GLMN: variants seen among roughly 807,000 people sequenced by gnomAD.
GLMN encodes glomulin.
A neutral mutation model predicts 87.8 loss-of-function variants in GLMN; 75 were observed. The observed-to-expected ratio is 0.85, with a 90% CI of 0.71 to 1.04. GLMN has a LOEUF of 1.04. Ranked by LOEUF, GLMN falls within the 50% of genes least tolerant of loss-of-function variation. GLMN has a pLI of 0.00. For synonymous variants in GLMN, 206 were observed against 221.6 expected, an observed-to-expected ratio of 0.93 and a Z score of 0.63; for missense variants, 588 against 658.8, an observed-to-expected ratio of 0.89 and a Z score of 1.18.
At chr1:92,283,584 A>C (rs983724057) in intron 7 of GLMN, among the ~76,000 whole-genome samples, 1 of 152,008 alleles carries the variant, frequency 6.6e-6, no homozygotes, top group Non-Finnish European at 1.5e-5. Context: ...CTCTCTCACC[A>C]CTCCTATTCA....
chr1:92,295,707 T>C (rs1485869245), intron 3 of GLMN, among the ~76,000 whole-genome samples: 1 of 152,204 alleles, frequency 6.6e-6, no homozygotes, highest in Non-Finnish European at 1.5e-5. Context: ...TACACAGGTC[T>C]GAATCTTGGA....
chr1:92,294,954 TA>T (rs1649855961), intron 3 of GLMN, among the ~76,000 whole-genome samples: 1 of 152,214 alleles, frequency 6.6e-6, no homozygotes, highest in Non-Finnish European at 1.5e-5. Context: ...GCTGGGATTA[TA>T]GGCATGAACC....
chr1:92,297,604 C>A (rs540179021), intron 2 of GLMN, 75 bp from the exon 3 acceptor site: 1 of 1,205,082 alleles, frequency 8.3e-7, no homozygotes, highest in African/African-American at 1.6e-5. Flanking sequence ...ACAATAACTT[C>A]TTGATTTATC....
At chr1:92,333,201 G>A in the GLMN span, 2 of 529,162 alleles carry the variant, frequency 3.8e-6, no homozygotes, top group African/African-American at 1.9e-5. Flanking sequence ...GAGGGCAAAT[G>A]ACTCAAAGAA....
the GLMN span, among the ~76,000 whole-genome samples, chr1:92,353,238 ACT>A: frequency 6.6e-6 from 1 of 152,124 alleles, no homozygotes; most frequent in Non-Finnish European, 1.5e-5. Context: ...TCATATGATA[ACT>A]CTGTTTAACC....
At position 92,263,772 on chromosome 1, in the gene GLMN, A is replaced by G. The variant is rs1263792949; in HGVS notation, c.1300-40T>C. On this transcript the variant is annotated intron_variant, in intron 14 of 18. Transcript: ENST00000370360. ...AAAAATTGAGAAAGCTTTATAATTC[A>G]TGTAATTCATGTGTTTTTCTAATAC... 4 of 918,042 alleles carry G rather than the reference A, an allele frequency of 4.4e-6. No individual in the cohort carries two copies. The African/African-American group carries it at 6.5e-5, about 15-fold the overall frequency. 56.9% of individuals were successfully genotyped at this position (918,042 alleles called of 1,614,324 possible). A position where few individuals can be genotyped will look rare whatever the true frequency, so the allele number is the denominator to read the frequency against.
At chr1:92,251,652 G>C (rs1653509757) in intron 16 of GLMN, among the ~76,000 whole-genome samples, 1 of 151,938 alleles carries the variant, frequency 6.6e-6, no homozygotes, top group Non-Finnish European at 1.5e-5. Context: ...GCCACAGACT[G>C]GAATATTTGC....
Position 92,264,629 on chromosome 1 carries a change from C to G in GLMN, c.1224G>C (p.Leu408Phe), listed in dbSNP as rs368361041. Residue 408 changes from leucine to phenylalanine, a missense_variant, in exon 14 of 19, where the codon TTG (leucine) becomes TTC (phenylalanine). Leu to Phe is a conservative substitution (Grantham distance 22). Coordinates refer to ENST00000370360, the MANE Select transcript of GLMN (RefSeq NM_053274.3). ...CCACACCTGAGTGATTACTTGTATTCAATAAGCACCTTGAAAGCAAAATTA... is the reference window on the plus strand; with the variant it reads ...CCACACCTGAGTGATTACTTGTATTGAATAAGCACCTTGAAAGCAAAATTA... ...QGKYTLFRCL[L>F]NTSNHSGVEA... The G allele has an allele frequency of 4.5e-6, 7 of 1,562,616 alleles. No individual in the cohort carries two copies. The African/African-American group carries it at 8.1e-5, about 18-fold the overall frequency.
At chr1:92,269,840 A>G in intron 8 of GLMN, 64 bp from the exon 9 acceptor site, 2 of 1,049,280 alleles carry the variant, frequency 1.9e-6, no homozygotes, top group Non-Finnish European at 3.0e-6. Context: ...ACACACATAC[A>G]TATTGTTATG....
At chr1:92,311,184 G>A in the GLMN span, among the ~76,000 whole-genome samples, 1 of 152,110 alleles carries the variant, frequency 6.6e-6, no homozygotes, top group Non-Finnish European at 1.5e-5. Flanking sequence ...TTGTTTTACT[G>A]TAGGAAACCT....
chr1:92,312,457 C>A, the GLMN span, among the ~76,000 whole-genome samples: 1 of 151,966 alleles, frequency 6.6e-6, no homozygotes, highest in African/African-American at 2.4e-5. Flanking sequence ...TCTCAAACTT[C>A]ATTGCTGCTT....
At chr1:92,345,918 A>G in the GLMN span, 1 of 1,586,410 alleles carries the variant, frequency 6.3e-7, no homozygotes, top group Non-Finnish European at 8.6e-7. Flanking sequence ...TGTCATTGTA[A>G]GTACTCTCTC....
At chr1:92,316,928 G>A in the GLMN span, among the ~76,000 whole-genome samples, 1 of 152,106 alleles carries the variant, frequency 6.6e-6, no homozygotes, top group South Asian at 2.1e-4. Context: ...AGGTATTTAA[G>A]GTTCCTTTAA....
At chr1:92,284,676 A>T (rs1254626597) in intron 7 of GLMN, among the ~76,000 whole-genome samples, 1 of 152,234 alleles carries the variant, frequency 6.6e-6, no homozygotes, top group East Asian at 1.9e-4. Flanking sequence ...CATCAGAGTG[A>T]ACAGGCAACC....
At chr1:92,259,334 T>A (rs776933307) in intron 16 of GLMN, among the ~76,000 whole-genome samples, 7 of 152,146 alleles carry the variant, frequency 4.6e-5, no homozygotes, top group Non-Finnish European at 1.0e-4. Context: ...GATGGGAGCA[T>A]GTTTGTACTA....
intron 5 of GLMN, 59 bp from the exon 6 acceptor site, chr1:92,289,210 G>A (rs912973362): frequency 7.6e-5 from 74 of 967,756 alleles, no homozygotes; most frequent in Non-Finnish European, 1.0e-4. Flanking sequence ...CAAGAAATTC[G>A]GCAAATGTGG....
At chr1:92,319,493 C>A in the GLMN span, among the ~76,000 whole-genome samples, 2 of 152,084 alleles carry the variant, frequency 1.3e-5, no homozygotes, top group Non-Finnish European at 2.9e-5. Context: ...CTGGCAGGCG[C>A]GGTGGCTCAC....
chr1:92,313,523 C>T, the GLMN span, among the ~76,000 whole-genome samples: 2 of 150,414 alleles, frequency 1.3e-5, no homozygotes, highest in East Asian at 2.0e-4. Context: ...GATGTGCAGT[C>T]GTTTAGGCTT....
At chr1:92,360,050 CAT>C in the GLMN span, among the ~76,000 whole-genome samples, 1 of 152,182 alleles carries the variant, frequency 6.6e-6, no homozygotes, top group Non-Finnish European at 1.5e-5. Flanking sequence ...TCTGTAAAAA[CAT>C]ATACTTTGCC....
Sources: allele counts gnomAD v4.1 joint callset (sites outside exome capture counted in the v4.1 genomes callset), GRCh38; gene constraint gnomAD v4.1.1; transcripts MANE v1.5; gene names NCBI Gene and HGNC (gene_info 2026-07-23, HGNC 2026-07-21).